Variants in MAP7 observed in about 807,000 individuals in gnomAD.
MAP7 encodes the protein microtubule associated protein 7, also known as ensconsin.
A neutral mutation model predicts 94.8 loss-of-function variants in MAP7; 52 were observed. The ratio of observed to expected loss-of-function variants is 0.55; its 90% CI spans 0.44 to 0.69. MAP7 has a LOEUF of 0.69. Among genes scored for constraint, MAP7 ranks in the 30% least tolerant of loss-of-function variants. The probability of loss-of-function intolerance (pLI) is 0.00; values close to 1 mark genes in which losing one functional copy is unlikely to be tolerated. For synonymous variants in MAP7, 350 were observed against 357.0 expected, an observed-to-expected ratio of 0.98 and a Z score of 0.22; for missense variants, 940 against 964.6, an observed-to-expected ratio of 0.97 and a Z score of 0.34.
At chr6:136,468,964 C>T (rs371296494) in intron 1 of MAP7, among the ~76,000 whole-genome samples, 20 of 152,016 alleles carry the variant, frequency 1.3e-4, no homozygotes, top group Admixed American at 1.1e-3. Flanking sequence ...GTGCACCACT[C>T]TTCCCTTAGC....
rs147959989 is a variant in MAP7, at chr6:136,424,282, A to C, written c.68-2483T>G. 4.3e-3 allele frequency among the ~76,000 whole-genome samples: 657 copies of C among 151,706 alleles called. 5 individuals carry two copies. Among genetic ancestry groups the C allele is most frequent in the African/African-American group, 0.015 (626 of 41,376 alleles). On this transcript the variant is annotated intron_variant, in intron 1 of 17. Transcript: ENST00000354570. ...CATGGAAAAAAAAATTAAAATGACT[A>C]GGTGACTTTCCAGTATTATTTATTT...
intron 1 of MAP7, among the ~76,000 whole-genome samples, chr6:136,478,514 C>A (rs558964188): frequency 5.1e-4 from 78 of 152,008 alleles, no homozygotes; most frequent in Non-Finnish European, 9.4e-4. Flanking sequence ...CAAAATGAAG[C>A]ACTGGTTTTT....
intron 1 of MAP7, among the ~76,000 whole-genome samples, chr6:136,530,356 C>A (rs1168819954): frequency 6.6e-6 from 1 of 152,240 alleles, no homozygotes; most frequent in African/African-American, 2.4e-5. Flanking sequence ...CACGTTTCAA[C>A]ATTCGAAGAG....
intron 1 of MAP7, among the ~76,000 whole-genome samples, chr6:136,493,145 C>T (rs57246466): frequency 0.077 from 8,741 of 114,160 alleles, 672 homozygotes; most frequent in African/African-American, 0.21. Flanking sequence ...TTTTTTGAGA[C>T]GGAGTTTCAC....
intron 1 of MAP7, among the ~76,000 whole-genome samples, chr6:136,473,998 G>T (rs960074260): frequency 7.9e-5 from 12 of 152,020 alleles, no homozygotes; most frequent in Admixed American, 6.5e-5. Context: ...AGATGTTTGT[G>T]GGGGTGGTCA....
At chr6:136,381,778 T>A (rs535717410) in intron 6 of MAP7, among the ~76,000 whole-genome samples, 2 of 151,884 alleles carry the variant, frequency 1.3e-5, no homozygotes, top group South Asian at 4.2e-4. Context: ...CCATGATTCA[T>A]AGGGCAGTTT....
chr6:136,388,808 T>C (rs1001301867), intron 4 of MAP7, among the ~76,000 whole-genome samples: 9 of 152,134 alleles, frequency 5.9e-5, no homozygotes, highest in Admixed American at 3.9e-4. Context: ...GTGCAGATCT[T>C]AGCTTCAACT....
intron 1 of MAP7, among the ~76,000 whole-genome samples, chr6:136,496,867 T>C (rs1340822920): frequency 6.6e-6 from 1 of 151,056 alleles, no homozygotes; most frequent in African/African-American, 2.4e-5. Flanking sequence ...GGCAGAAGAA[T>C]TGCTTGAGCC....
rs1465266004 is a variant in MAP7 at position 136,505,277 on chromosome 6, G to GTGTATATATATATATATATATA, written c.67+45064_67+45065insTATATATATATATATATATACA. ...TGTGTGTGTGTGTGTGTGTGTGTGT[G>GTGTATATATATATATATATATA]TATATATATATATATATATATATAT... On this transcript the variant is annotated intron_variant, in intron 1 of 17. Transcript: ENST00000354570. Among the ~76,000 whole-genome samples the GTGTATATATATATATATATATA allele has an allele frequency of 3.0e-4, 16 of 53,810 alleles. 1 individual carries two copies. Among genetic ancestry groups the GTGTATATATATATATATATATA allele is most frequent in the East Asian group, 2.3e-3 (3 of 1,296 alleles). 35.3% of individuals were successfully genotyped at this position (53,810 alleles called of 152,430 possible).
chr6:136,408,897 G>A (rs746048355), intron 3 of MAP7, among the ~76,000 whole-genome samples: 75 of 151,850 alleles, frequency 4.9e-4, no homozygotes, highest in Non-Finnish European at 9.9e-4. Flanking sequence ...TCATCCTCAC[G>A]TACTCTAAGG....
At chr6:136,485,808 C>G (rs1282369864) in intron 1 of MAP7, among the ~76,000 whole-genome samples, 1 of 151,826 alleles carries the variant, frequency 6.6e-6, no homozygotes, top group Non-Finnish European at 1.5e-5. Context: ...GTGATCCGCC[C>G]GCCTCGGCCT....
intron 12 of MAP7, 76 bp from the exon 13 acceptor site, chr6:136,360,874 G>T: frequency 6.4e-7 from 1 of 1,567,510 alleles, no homozygotes; most frequent in Non-Finnish European, 8.7e-7. Flanking sequence ...GCCCAGAGGT[G>T]GGGGCGAGGT....
intron 3 of MAP7, among the ~76,000 whole-genome samples, chr6:136,404,103 C>G (rs1426567465): frequency 6.6e-6 from 1 of 151,974 alleles, no homozygotes; most frequent in Non-Finnish European, 1.5e-5. Context: ...TTGTTAAAAC[C>G]AACAGCCATC....
At chr6:136,461,730 T>C (rs1033911473) in intron 1 of MAP7, among the ~76,000 whole-genome samples, 1 of 152,178 alleles carries the variant, frequency 6.6e-6, no homozygotes, top group East Asian at 1.9e-4. Context: ...GTTTGGGGTA[T>C]TTTGAAGAAA....
At chr6:136,517,605 A>G (rs1181027279) in intron 1 of MAP7, among the ~76,000 whole-genome samples, 1 of 152,250 alleles carries the variant, frequency 6.6e-6, no homozygotes, top group Non-Finnish European at 1.5e-5. Context: ...CATTTCACAG[A>G]TGGGAATCTG....
intron 1 of MAP7, among the ~76,000 whole-genome samples, chr6:136,457,065 C>G (rs1362748417): frequency 7.2e-6 from 1 of 138,762 alleles, no homozygotes; most frequent in African/African-American, 2.7e-5. Flanking sequence ...TTTAGCTAAA[C>G]TAAAAAAAAA....
intron 1 of MAP7, among the ~76,000 whole-genome samples, chr6:136,481,107 A>T (rs1333177200): frequency 1.3e-5 from 2 of 152,204 alleles, no homozygotes; most frequent in Admixed American, 1.3e-4. Context: ...TTTATCCAAA[A>T]GTCAGGCAAT....
At chr6:136,502,886 C>T (rs1267390332) in intron 1 of MAP7, among the ~76,000 whole-genome samples, 1 of 152,054 alleles carries the variant, frequency 6.6e-6, no homozygotes, top group Non-Finnish European at 1.5e-5. Context: ...CCATACAATG[C>T]ATCATGATAT....
intron 1 of MAP7, chr6:136,466,610 C>T: frequency 4.9e-6 from 3 of 615,158 alleles, no homozygotes; most frequent in Non-Finnish European, 7.8e-6. Context: ...GACATTAAAA[C>T]AATGATTAAA....
Sources: gnomAD v4.1 joint callset for allele counts (sites outside exome capture counted in the v4.1 genomes callset) on GRCh38, gnomAD v4.1.1 for gene constraint, MANE v1.5 for transcripts, NCBI Gene and HGNC (gene_info 2026-07-23, HGNC 2026-07-21) for gene names.